Variants in PIGT observed in about 807,000 individuals in gnomAD.
The protein encoded by PIGT is phosphatidylinositol glycan anchor biosynthesis class T.
PIGT carries 57 observed loss-of-function variants against 66.7 expected under a neutral mutation model. That is an observed-to-expected ratio of 0.86 (90% CI 0.69 to 1.07). The LOEUF is 1.07. PIGT is among the 50% of genes least tolerant of loss of function. The pLI is 0.00. For missense variants in PIGT, 725 were observed against 740.4 expected (o/e 0.98, Z 0.24); for synonymous variants, 362 against 320.5 (o/e 1.13, Z -1.38).
At chr20:45,421,785 T>A (rs1990385057) in intron 9 of PIGT, 1 of 592,188 alleles carries the variant, frequency 1.7e-6, no homozygotes, top group South Asian at 2.0e-5. Context: ...ACAGCAATAA[T>A]TAAAACACAT....
At chr20:45,422,222 T>G (rs1990409434) in intron 9 of PIGT, 1 of 152,062 alleles carries the variant, frequency 6.6e-6, no homozygotes, top group African/African-American at 2.4e-5. Context: ...TTAAAAACCT[T>G]TCAGTACTTT....
chr20:45,419,113 C>A, intron 3 of PIGT, 134 bp downstream of exon 3: 1 of 1,200,884 alleles, frequency 8.3e-7, no homozygotes, highest in Non-Finnish European at 1.2e-6. Context: ...GCCCCCAATA[C>A]TGTGCCATCT....
At chr20:45,418,465 G>C in intron 2 of PIGT, 2 of 288,052 alleles carry the variant, frequency 6.9e-6, no homozygotes, top group Non-Finnish European at 1.3e-5. Context: ...AAGATGCTTG[G>C]ATGGTCAGAA....
chr20:45,425,301 C>G (rs967478923), intron 11 of PIGT, among the ~76,000 whole-genome samples: 1 of 151,206 alleles, frequency 6.6e-6, no homozygotes, highest in South Asian at 2.1e-4. Context: ...ATATATGTGC[C>G]ACGGTGGTTT....
intron 11 of PIGT, chr20:45,425,137 CTTTCTCTT>C (rs566375623): frequency 0.099 from 13,134 of 133,144 alleles, 661 homozygotes; most frequent in Non-Finnish European, 0.11. Context: ...CTCTTTCTTT[CTTTCTCTT>C]TCTTTCTTTC....
chr20:45,419,264 C>A, intron 3 of PIGT, 31 bp from the exon 4 acceptor site: 3 of 1,575,788 alleles, frequency 1.9e-6, no homozygotes, highest in East Asian at 2.2e-5. Context: ...GAGCCCAAGG[C>A]CCACCCCAGA....
chr20:45,424,496 C>T lies in PIGT; in HGVS notation c.1401C>T (p.Ser467=), dbSNP rs779609300. 6.2e-7 allele frequency: 1 copy of T among 1,614,102 alleles called. No individual in the cohort carries two copies. Among genetic ancestry groups the T allele is most frequent in the Admixed American group, 1.7e-5 (1 of 60,026 alleles). The part of the protein sequence containing the change: ...TPDPNHGFYV[S]PSVLSALVPS... ...GGGCCATCTCTCTGCTTCTCTGTAG[C>T]CCATCTGTCCTCAGCGCCCTTGTGC... The change falls in exon 11 of 12, where the codon AGC becomes AGT. Residue 467 remains serine (S), a splice_region_variant and synonymous_variant. Transcript: ENST00000279036.
rs765200242 is a variant in PIGT, at chr20:45,425,703, G to A, written c.1614G>A (p.Val538=). Residue 538 remains valine, a synonymous_variant, in exon 12 of 12, where the codon GTG becomes GTA. Coordinates refer to ENST00000279036, the MANE Select transcript of PIGT (RefSeq NM_015937.6). ...GCCTCACGTGCACTGTGGTGGCCGT[G>A]TGCTATGGCTCCTTCTACAATCTCC... The part of the protein sequence containing the change: ...VICLTCTVVA[V]CYGSFYNLLT... 1.2e-6 allele frequency: 2 copies of A among 1,614,142 alleles called. No homozygotes were observed. The highest frequency in any genetic ancestry group is 2.2e-5 in the South Asian group (2 of 91,088).
rs754077727 is a variant in PIGT at position 45,419,566 on chromosome 20, A to G, written c.657A>G (p.Ala219=). Residue 219 remains alanine, a synonymous_variant, in exon 5 of 12, where the codon GCA becomes GCG. Coordinates refer to ENST00000279036, the MANE Select transcript of PIGT (RefSeq NM_015937.6). ...RLFHTSYHSQ[A]VHIRPVCRNA... ...TCCACACCAGCTACCACTCCCAGGC[A>G]GTGCATATCCGCCCTGTTTGCAGAG... is the stretch of plus-strand genomic sequence containing the variant. 2 of 1,613,896 alleles carry G rather than the reference A, an allele frequency of 1.2e-6. No homozygotes were observed. Among genetic ancestry groups the G allele is most frequent in the Admixed American group, 3.3e-5 (2 of 60,028 alleles).
intron 11 of PIGT, chr20:45,425,151 CTTTCTTTCTTT>C (rs1990645178): frequency 1.2e-5 from 1 of 80,610 alleles, no homozygotes; most frequent in Non-Finnish European, 2.6e-5. Flanking sequence ...CTCTTTCTTT[CTTTCTTTCTTT>C]CTTTCTTTCT....
In PIGT at chr20:45,420,577, A is replaced by AC. The variant is rs751861982; in HGVS notation, c.918dup (p.Val307ArgfsTer13). The AC allele has an allele frequency of 6.9e-5, 112 of 1,613,644 alleles. No homozygotes were observed. The highest frequency in any genetic ancestry group is 9.1e-5 in the Non-Finnish European group (107 of 1,179,994). On this transcript the variant is annotated frameshift_variant, in exon 8 of 12. Transcript: ENST00000279036. LOFTEE classifies it high-confidence loss of function. Reference sequence around the variant, plus strand: ...CCACCCCCGACCACTACATATCAGGACGTCATCCTAGGCACTCGGAAGACC... The same window carrying AC: ...CCACCCCCGACCACTACATATCAGGACCGTCATCCTAGGCACTCGGAAGACC...
chr20:45,420,710 T>G lies in PIGT; in HGVS notation c.1033+17T>G, dbSNP rs1474714757. 6.2e-7 allele frequency: 1 copy of G among 1,613,276 alleles called. No individual in the cohort carries two copies. Among genetic ancestry groups the G allele is most frequent in the Non-Finnish European group, 8.5e-7 (1 of 1,179,666 alleles). ...CAGAGAATGGTGAGTGGGTGGTTGG[T>G]TGGACTGCTGGGTTGCAACGGCTAC... On this transcript the variant is annotated intron_variant, in intron 8 of 11. Transcript: ENST00000279036.
chr20:45,419,622 C>T, intron 5 of PIGT, 32 bp downstream of exon 5: 5 of 1,469,918 alleles, frequency 3.4e-6, no homozygotes, highest in Non-Finnish European at 4.8e-6. Context: ...AAGCTGCCAT[C>T]CAGGGGCTCA....
chr20:45,421,612 C>T, intron 9 of PIGT, 29 bp downstream of exon 9: 1 of 1,591,722 alleles, frequency 6.3e-7, no homozygotes, highest in South Asian at 1.1e-5. Flanking sequence ...AACCAGGCCC[C>T]CAGCCCGCCC....
At position 45,420,767 on chromosome 20, in the gene PIGT, C is replaced by T. The variant is rs1359801753; in HGVS notation, c.1033+74C>T. 4.1e-6 allele frequency: 6 copies of T among 1,455,736 alleles called. No individual in the cohort carries two copies. In the Admixed American group the frequency reaches 5.1e-5, roughly 12 times the overall value. 90.2% of individuals were successfully genotyped at this position (1,455,736 alleles called of 1,614,324 possible). A position where few individuals can be genotyped will look rare whatever the true frequency, so the allele number is the denominator to read the frequency against. On this transcript the variant is annotated intron_variant, in intron 8 of 11. Transcript: ENST00000279036. Reference sequence around the variant, plus strand: ...AAGACTCACAATCCCACGTCTTTGCCGTTAGATGATTGGGTTGTATTTAGA... The same window carrying T: ...AAGACTCACAATCCCACGTCTTTGCTGTTAGATGATTGGGTTGTATTTAGA...
chr20:45,418,230 T>C (rs1324817667), intron 2 of PIGT: 1 of 159,666 alleles, frequency 6.3e-6, no homozygotes, highest in Non-Finnish European at 1.4e-5. Flanking sequence ...TCCCAGAGTA[T>C]ACACAGGGTA....
intron 7 of PIGT, 24 bp downstream of exon 7, chr20:45,420,453 C>T (rs1568949255): frequency 1.9e-6 from 3 of 1,610,478 alleles, no homozygotes; most frequent in South Asian, 2.2e-5. Flanking sequence ...CAGCCACACA[C>T]ACAAACACAC....
rs560136623 is a variant in PIGT, at chr20:45,426,237, C to A, written c.*411C>A. The A allele has an allele frequency of 3.3e-5, 6 of 182,000 alleles. No homozygotes were observed. The South Asian group carries it at 6.1e-4, about 19-fold the overall frequency. The allele number at this position is 182,000 out of a possible 1,614,324, so 11.3% of individuals were successfully genotyped here. On this transcript the variant is annotated 3_prime_UTR_variant, in exon 12 of 12. Coordinates refer to ENST00000279036, the MANE Select transcript of PIGT (RefSeq NM_015937.6). Reference sequence around the variant, plus strand: ...GTTTGTGGAATAAAAACGGCTGTTTCCGTGGTTCTTTGCCTCTTGTCCTTG... The same window carrying A: ...GTTTGTGGAATAAAAACGGCTGTTTACGTGGTTCTTTGCCTCTTGTCCTTG...
intron 9 of PIGT, 63 bp from the exon 10 acceptor site, chr20:45,424,153 G>A (rs1368071180): frequency 2.7e-6 from 4 of 1,498,508 alleles, no homozygotes; most frequent in Non-Finnish European, 9.3e-7. Flanking sequence ...CAAGCAGCAG[G>A]GACAGGGGCA....
Sources: allele counts gnomAD v4.1 joint callset (sites outside exome capture counted in the v4.1 genomes callset), GRCh38; gene constraint gnomAD v4.1.1; transcripts MANE v1.5; gene names NCBI Gene and HGNC (gene_info 2026-07-23, HGNC 2026-07-21).